Variants in LAMA3 observed in about 807,000 individuals in gnomAD.
The protein encoded by LAMA3 is laminin subunit alpha-3.
LAMA3 carries 281 observed loss-of-function variants against 402.0 expected under a neutral mutation model. The ratio of observed to expected loss-of-function variants is 0.70; its 90% CI spans 0.63 to 0.77. The LOEUF is 0.77. Ranked by LOEUF, LAMA3 falls within the 30% of genes least tolerant of loss-of-function variation. The probability of loss-of-function intolerance (pLI) is 0.00; values close to 1 mark genes in which losing one functional copy is unlikely to be tolerated. For synonymous variants in LAMA3, 1,431 were observed against 1,558.4 expected (o/e 0.92, Z 1.93); for missense variants, 3,840 against 4,215.5 (o/e 0.91, Z 2.47).
At chr18:23,851,871 C>T (rs141597668) in intron 32 of LAMA3, among the ~76,000 whole-genome samples, 4 of 152,276 alleles carry the variant, frequency 2.6e-5, no homozygotes, top group African/African-American at 4.8e-5. Flanking sequence ...ATTGGATAAT[C>T]GTTAACTCCT....
At chr18:23,736,751 G>A (rs2061481781) in intron 2 of LAMA3, among the ~76,000 whole-genome samples, 1 of 152,144 alleles carries the variant, frequency 6.6e-6, no homozygotes, top group Non-Finnish European at 1.5e-5. Context: ...CCCAGGATTG[G>A]GAAAAGCTTA....
Position 23,871,605 on chromosome 18 carries a change from G to C in LAMA3, c.4942G>C (p.Ala1648Pro), listed in dbSNP as rs748976868. 1 of 1,613,954 alleles carries C rather than the reference G, an allele frequency of 6.2e-7. No homozygotes were observed. Among genetic ancestry groups the C allele is most frequent in the Non-Finnish European group, 8.5e-7 (1 of 1,179,918 alleles). Residue 1648 changes from alanine to proline, a missense_variant, in exon 38 of 75, where the codon GCA (alanine) becomes CCA (proline). This residue lies in a region of LAMA3 where 2,109 missense variants were observed against 2,376.0 expected (regional missense o/e 0.89). Coordinates refer to ENST00000313654, the MANE Select transcript of LAMA3 (RefSeq NM_198129.4). ...EASDTGSGRIALAVEICACPP... is the reference protein window; with the variant it reads ...EASDTGSGRIPLAVEICACPP... Reference sequence around the variant, plus strand: ...CTCTGACACAGGAAGTGGGCGCATAGCACTTGCTGTGGAAATCTGTGCCTG... The same window carrying C: ...CTCTGACACAGGAAGTGGGCGCATACCACTTGCTGTGGAAATCTGTGCCTG...
intron 11 of LAMA3, among the ~76,000 whole-genome samples, chr18:23,782,182 C>T (rs1324997573): frequency 6.6e-6 from 1 of 152,078 alleles, no homozygotes; most frequent in Non-Finnish European, 1.5e-5. Flanking sequence ...TAGGGTGGAC[C>T]CAGCTGAATC....
At position 23,750,975 on chromosome 18, in the gene LAMA3, A is replaced by G; in HGVS notation, c.742A>G (p.Thr248Ala). The change falls in exon 5 of 75, where the codon ACC (threonine) becomes GCC (alanine). Residue 248 changes from threonine to alanine, a missense_variant. Physicochemically the swap from Thr to Ala is moderately conservative, Grantham distance 58. This residue lies in a region of LAMA3 where 2,109 missense variants were observed against 2,376.0 expected (regional missense o/e 0.89). Transcript: ENST00000313654. ...TGCAAAAAATTTTACTTTCTCTCAC[A>G]CCCTGAGGGAGTTTACCAAGGCAAC... ...PGAKNFTFSH[T>A]LREFTKATNI... The G allele has an allele frequency of 6.2e-7, 1 of 1,614,000 alleles. No homozygotes were observed.
chr18:23,896,403 G>T (rs892641249), intron 44 of LAMA3, among the ~76,000 whole-genome samples: 1 of 152,086 alleles, frequency 6.6e-6, no homozygotes, highest in African/African-American at 2.4e-5. Flanking sequence ...CCAAATTGGG[G>T]GATTTTCCAG....
intron 70 of LAMA3, among the ~76,000 whole-genome samples, chr18:23,948,547 T>G (rs2082788914): frequency 6.6e-6 from 1 of 152,158 alleles, no homozygotes; most frequent in Admixed American, 6.5e-5. Flanking sequence ...CATGTGCATT[T>G]ATCACATCAA....
Position 23,845,136 on chromosome 18 carries a change from T to G in LAMA3, c.3719+12T>G. The stretch of plus-strand genomic sequence containing the variant: ...AGCTTTTACCTTGAGTGAGTATCAC[T>G]TTGTGGGAAGGCTCTGGAATGCAGA... On this transcript the variant is annotated intron_variant, in intron 30 of 74. Coordinates refer to ENST00000313654, the MANE Select transcript of LAMA3 (RefSeq NM_198129.4). 6.8e-7 allele frequency: 1 copy of G among 1,465,400 alleles called. No individual in the cohort carries two copies. Among genetic ancestry groups the G allele is most frequent in the South Asian group, 1.1e-5 (1 of 87,956 alleles). 90.8% of individuals were successfully genotyped at this position (1,465,400 alleles called of 1,614,324 possible).
intron 11 of LAMA3, among the ~76,000 whole-genome samples, chr18:23,780,994 C>T (rs977122809): frequency 1.3e-5 from 2 of 152,122 alleles, no homozygotes; most frequent in African/African-American, 4.8e-5. Flanking sequence ...CAAAATAATC[C>T]AGGTAAACAA....
At chr18:23,858,056 A>G in intron 33 of LAMA3, 68 bp downstream of exon 33, 1 of 1,589,306 alleles carries the variant, frequency 6.3e-7, no homozygotes, top group Non-Finnish European at 8.6e-7. Flanking sequence ...TGTTGAGTCA[A>G]CATAGAAAAG....
chr18:23,928,535 A>C, intron 63 of LAMA3, 90 bp from the exon 64 acceptor site: 1 of 1,220,542 alleles, frequency 8.2e-7, no homozygotes, highest in Non-Finnish European at 1.2e-6. Context: ...CACATTAATC[A>C]GTTTGAGTAA....
intron 34 of LAMA3, among the ~76,000 whole-genome samples, chr18:23,860,052 C>T (rs899162198): frequency 1.3e-5 from 2 of 152,202 alleles, no homozygotes; most frequent in East Asian, 1.9e-4. Context: ...GCAAAAGATG[C>T]TCCTATCACC....
chr18:23,763,716 G>T (rs983901025), intron 8 of LAMA3, among the ~76,000 whole-genome samples, 193 bp downstream of exon 8: 2 of 152,156 alleles, frequency 1.3e-5, no homozygotes, highest in Admixed American at 1.3e-4. Flanking sequence ...ATGGACTGAG[G>T]TATGTTTACC....
At chr18:23,902,674 T>A (rs2081112741) in intron 48 of LAMA3, among the ~76,000 whole-genome samples, 2 of 152,248 alleles carry the variant, frequency 1.3e-5, no homozygotes, top group Non-Finnish European at 2.9e-5. Context: ...TGATGGTTAG[T>A]GATGGTTTAT....
intron 55 of LAMA3, among the ~76,000 whole-genome samples, chr18:23,911,969 TTA>T (rs2081441766): frequency 2.8e-5 from 4 of 144,744 alleles, no homozygotes; most frequent in Non-Finnish European, 6.0e-5. Flanking sequence ...TATGCATTTA[TTA>T]TATATTTAAT....
At chr18:23,867,730 G>T (rs750514800) in intron 36 of LAMA3, 104 bp from the exon 37 acceptor site, 3 of 867,796 alleles carry the variant, frequency 3.5e-6, no homozygotes, top group Non-Finnish European at 4.0e-6. Context: ...TTTAAGTCAG[G>T]TATGTCATAT....
At position 23,822,361 on chromosome 18, in the gene LAMA3, T is replaced by G; in HGVS notation, c.2414T>G (p.Ile805Ser). 6.2e-7 allele frequency: 1 copy of G among 1,613,884 alleles called. No individual in the cohort carries two copies. Among genetic ancestry groups the G allele is most frequent in the Non-Finnish European group, 8.5e-7 (1 of 1,179,752 alleles). The change falls in exon 20 of 75, where the codon ATT becomes AGT. Residue 805 changes from isoleucine (I) to serine (S), a missense_variant. This residue lies in a region of LAMA3 where 2,109 missense variants were observed against 2,376.0 expected (regional missense o/e 0.89). Coordinates refer to ENST00000313654, the MANE Select transcript of LAMA3 (RefSeq NM_198129.4). ...GAAGCAGTATCTGGCCATATAACTA[T>G]TTATCCATCCTGGGGTAAGGCACGT... Reference protein sequence around the residue: ...GTEAVSGHITIYPSWGAAQSK... With the variant: ...GTEAVSGHITSYPSWGAAQSK...
intron 55 of LAMA3, among the ~76,000 whole-genome samples, chr18:23,911,333 T>A (rs1459797659): frequency 2.0e-5 from 3 of 152,188 alleles, no homozygotes; most frequent in Non-Finnish European, 4.4e-5. Context: ...GAGTTAAATC[T>A]CATTCTTTTG....
chr18:23,816,389 G>C lies in LAMA3; in HGVS notation c.2049G>C (p.Gly683=). 1.9e-6 allele frequency: 3 copies of C among 1,613,676 alleles called. No individual in the cohort carries two copies. Among genetic ancestry groups the C allele is most frequent in the Non-Finnish European group, 2.5e-6 (3 of 1,179,580 alleles). Residue 683 remains glycine (G), a splice_region_variant and synonymous_variant, in exon 18 of 75, where the codon GGG becomes GGC. Transcript: ENST00000313654. The part of the protein sequence containing the change: ...LEKSNYFGCQ[G]CQCDIGGALS... ...CTGCTGCTGTTTCCTGGCTTTCAGG[G>C]TGTCAGTGTGACATTGGTGGGGCAT...
chr18:23,758,970 A>T (rs1299226017), intron 7 of LAMA3, among the ~76,000 whole-genome samples: 1 of 152,080 alleles, frequency 6.6e-6, no homozygotes. Context: ...ATTGAGGAGG[A>T]TGGAGAGGAC....
Sources: gnomAD v4.1 joint callset for allele counts (sites outside exome capture counted in the v4.1 genomes callset) on GRCh38, gnomAD v4.1.1 for gene constraint, gnomAD v4.1.1 regional missense constraint, MANE v1.5 for transcripts, NCBI Gene and HGNC (gene_info 2026-07-23, HGNC 2026-07-21) for gene names.